The following ALCAM variants were observed in gnomAD, a reference collection of about 807,000 sequenced individuals.
The protein encoded by ALCAM is activated leukocyte cell adhesion molecule.
In ALCAM, 30 loss-of-function variants were observed where a neutral mutation model predicts 70.9. The ratio of observed to expected loss-of-function variants is 0.42; its 90% CI spans 0.32 to 0.57. ALCAM has a LOEUF of 0.57. Among genes scored for constraint, ALCAM ranks in the 20% least tolerant of loss-of-function variants. The pLI is 0.11. For missense variants in ALCAM, 591 were observed against 695.1 expected, an observed-to-expected ratio of 0.85 and a Z score of 1.68; for synonymous variants, 249 against 242.5, an observed-to-expected ratio of 1.03 and a Z score of -0.25.
intron 9 of ALCAM, among the ~76,000 whole-genome samples, chr3:105,545,695 CA>C (rs1940229994): frequency 6.6e-6 from 1 of 151,428 alleles, no homozygotes; most frequent in Admixed American, 6.6e-5. Context: ...ATATTTACAA[CA>C]ACCCTGTGAA....
chr3:105,376,081 G>A (rs1386709245), intron 1 of ALCAM, among the ~76,000 whole-genome samples: 1 of 152,124 alleles, frequency 6.6e-6, no homozygotes, highest in Non-Finnish European at 1.5e-5. Context: ...GTGTGAGTTT[G>A]TGTGTGTTGG....
chr3:105,480,187 T>C (rs1011839870), intron 1 of ALCAM, among the ~76,000 whole-genome samples: 1 of 151,942 alleles, frequency 6.6e-6, no homozygotes, highest in African/African-American at 2.4e-5. Context: ...CAGTCTGTAC[T>C]AAAAATACAA....
At chr3:105,386,532 A>G (rs1045672015) in intron 1 of ALCAM, among the ~76,000 whole-genome samples, 3 of 151,462 alleles carry the variant, frequency 2.0e-5, no homozygotes, top group East Asian at 3.9e-4. Context: ...TCCTATCCCT[A>G]TTCCCCATGG....
At chr3:105,383,832 T>A (rs1935584903) in intron 1 of ALCAM, among the ~76,000 whole-genome samples, 1 of 151,708 alleles carries the variant, frequency 6.6e-6, no homozygotes, top group African/African-American at 2.4e-5. Flanking sequence ...CTAAAACTAC[T>A]TTTTCTCCCA....
chr3:105,512,670 A>T (rs1939270034), intron 1 of ALCAM, among the ~76,000 whole-genome samples: 1 of 151,928 alleles, frequency 6.6e-6, no homozygotes, highest in African/African-American at 2.4e-5. Flanking sequence ...CAGAATCTAG[A>T]CTAAATTGAA....
chr3:105,482,227 C>T (rs1188089785), intron 1 of ALCAM, among the ~76,000 whole-genome samples: 1 of 152,118 alleles, frequency 6.6e-6, no homozygotes, highest in African/African-American at 2.4e-5. Flanking sequence ...ATCCTCCTAC[C>T]TCAGTCTCTC....
chr3:105,479,872 A>C (rs957888871), intron 1 of ALCAM, among the ~76,000 whole-genome samples: 3 of 152,058 alleles, frequency 2.0e-5, no homozygotes, highest in Admixed American at 2.0e-4. Flanking sequence ...AAAGCTTTGA[A>C]CCATACGTTA....
At chr3:105,452,839 T>C (rs1446136386) in intron 1 of ALCAM, among the ~76,000 whole-genome samples, 2 of 152,236 alleles carry the variant, frequency 1.3e-5, no homozygotes, top group Non-Finnish European at 2.9e-5. Context: ...ATGAGCTTTT[T>C]TTCATATGTT....
intron 14 of ALCAM, among the ~76,000 whole-genome samples, chr3:105,563,906 C>A (rs538453578): frequency 6.6e-6 from 1 of 150,542 alleles, no homozygotes; most frequent in Non-Finnish European, 1.5e-5. Context: ...CCAGGATGGT[C>A]TCGATCTCCT....
At chr3:105,565,687 T>A (rs1048575749) in intron 14 of ALCAM, among the ~76,000 whole-genome samples, 1 of 152,198 alleles carries the variant, frequency 6.6e-6, no homozygotes, top group Non-Finnish European at 1.5e-5. Flanking sequence ...GAAATTTGGA[T>A]GTTATATTGT....
At chr3:105,443,612 C>A (rs1037824619) in intron 1 of ALCAM, among the ~76,000 whole-genome samples, 2 of 152,060 alleles carry the variant, frequency 1.3e-5, no homozygotes, top group Non-Finnish European at 2.9e-5. Context: ...AAAATGGTTT[C>A]TTTTAAATTA....
At chr3:105,438,641 T>C (rs1937105491) in intron 1 of ALCAM, among the ~76,000 whole-genome samples, 1 of 152,244 alleles carries the variant, frequency 6.6e-6, no homozygotes, top group African/African-American at 2.4e-5. Context: ...TTTACAAGTG[T>C]CACTGGCAAA....
chr3:105,389,377 T>TTTTG (rs1553718640), intron 1 of ALCAM, among the ~76,000 whole-genome samples: 2 of 127,212 alleles, frequency 1.6e-5, no homozygotes, highest in Non-Finnish European at 3.4e-5. Flanking sequence ...CATAGTTTTT[T>TTTTG]TTTTTTTTTT....
At chr3:105,426,188 C>CCTTA (rs1936786573) in intron 1 of ALCAM, among the ~76,000 whole-genome samples, 1 of 151,722 alleles carries the variant, frequency 6.6e-6, no homozygotes, top group South Asian at 2.1e-4. Flanking sequence ...GCTCTCTGGG[C>CCTTA]CTTAGTGTTC....
rs188011460 is a variant in ALCAM at position 105,399,737 on chromosome 3, C to T, written c.73+32256C>T. Among the ~76,000 whole-genome samples, 64 of 152,184 alleles carry T rather than the reference C, an allele frequency of 4.2e-4. 1 individual carries two copies. The highest frequency in any genetic ancestry group is 4.2e-3 in the Admixed American group (64 of 15,268). On this transcript the variant is annotated intron_variant, in intron 1 of 15. Transcript: ENST00000306107. Reference sequence around the variant, plus strand: ...GCTATCCTTTTCTGACCACTCAAACCATGAAAACCTGCCCTCCCTGGAAAA... The same window carrying T: ...GCTATCCTTTTCTGACCACTCAAACTATGAAAACCTGCCCTCCCTGGAAAA...
chr3:105,568,037 T>A (rs898393273), intron 14 of ALCAM, among the ~76,000 whole-genome samples: 3 of 147,034 alleles, frequency 2.0e-5, no homozygotes, highest in Non-Finnish European at 4.5e-5. Flanking sequence ...TTTTATTTTA[T>A]TTTTTTTATT....
At chr3:105,447,286 A>G (rs561652003) in intron 1 of ALCAM, among the ~76,000 whole-genome samples, 1 of 152,340 alleles carries the variant, frequency 6.6e-6, no homozygotes, top group South Asian at 2.1e-4. Flanking sequence ...AATACTAAAA[A>G]AAAATTAGAA....
chr3:105,545,682 G>A (rs552419671), intron 9 of ALCAM, among the ~76,000 whole-genome samples: 10 of 151,400 alleles, frequency 6.6e-5, no homozygotes, highest in Admixed American at 2.0e-4. Flanking sequence ...TTATCCTTAC[G>A]TGATATTTAC....
chr3:105,553,167 T>G, intron 14 of ALCAM: 1 of 859,966 alleles, frequency 1.2e-6, no homozygotes, highest in Non-Finnish European at 1.4e-6. Context: ...TTTAGAGATG[T>G]TAAACATTAT....
Sources: allele counts gnomAD v4.1 joint callset (sites outside exome capture counted in the v4.1 genomes callset), GRCh38; gene constraint gnomAD v4.1.1; transcripts MANE v1.5; gene names NCBI Gene and HGNC (gene_info 2026-07-23, HGNC 2026-07-21).